KRT38: variants seen among roughly 807,000 people sequenced by gnomAD.
KRT38 encodes keratin 38.
KRT38 carries 45 observed loss-of-function variants against 43.1 expected under a neutral mutation model. The observed-to-expected ratio is 1.04, with a 90% CI of 0.82 to 1.34. KRT38 has a LOEUF of 1.34. Among genes scored for constraint, KRT38 ranks in the 40% most tolerant of loss-of-function variants. The pLI, the probability that KRT38 is intolerant of heterozygous loss-of-function variation, is 0.00. For missense variants in KRT38, 627 were observed against 586.2 expected (o/e 1.07, Z -0.72); for synonymous variants, 258 against 244.0 (o/e 1.06, Z -0.53).
rs776399205 is a variant in KRT38, at chr17:41,440,677, G to T, written c.245C>A (p.Thr82Asn). 1.2e-6 allele frequency: 2 copies of T among 1,614,198 alleles called. No individual in the cohort carries two copies. The highest frequency in any genetic ancestry group is 1.1e-5 in the South Asian group (1 of 91,082). Residue 82 changes from threonine to asparagine, a missense_variant, in exon 1 of 7, where the codon ACC (threonine) becomes AAC (asparagine). By Grantham distance (65) the Thr-to-Asn change is moderately conservative. Transcript: ENST00000246646. ...TCHTACPLPG[T>N]CHIPGNIGIC... ...TCCAATGTTGCCAGGAATGTGGCAGGTCCCTGGCAAGGGACAAGCAGTGTG... is the reference window on the plus strand; with the variant it reads ...TCCAATGTTGCCAGGAATGTGGCAGTTCCCTGGCAAGGGACAAGCAGTGTG...
chr17:41,437,978 G>T, intron 6 of KRT38, 115 bp downstream of exon 6: 1 of 1,000,626 alleles, frequency 1.0e-6, no homozygotes, highest in Non-Finnish European at 1.5e-6. Flanking sequence ...ACGACTCACT[G>T]AAAAGGAGTG....
rs1343390711 is a variant in KRT38 at position 41,438,886 on chromosome 17, C to G, written c.733-28G>C. The G allele has an allele frequency of 3.1e-6, 5 of 1,611,042 alleles. No individual in the cohort carries two copies. In the South Asian group the frequency reaches 4.4e-5, roughly 14 times the overall value. The stretch of plus-strand genomic sequence containing the variant: ...GCAGAAGGGAGGAAGGGACAGACAG[C>G]CTGCATGAGGAAAGGGCCTTTGATG... On this transcript the variant is annotated intron_variant, in intron 3 of 6. Transcript: ENST00000246646.
At position 41,438,492 on chromosome 17, in the gene KRT38, A is replaced by G. The variant is rs2018756280; in HGVS notation, c.1019T>C (p.Leu340Ser). Reference sequence around the variant, plus strand: ...GCAGTGAGAGTGAAGGACACGTACCAAGGTGTGCTGGGCTTGGCGCTCCAC... The same window carrying G: ...GCAGTGAGAGTGAAGGACACGTACCGAGGTGTGCTGGGCTTGGCGCTCCAC... The part of the protein sequence containing the change: ...LEVERQAQHT[L>S]KDCLQNSLCE... Residue 340 changes from leucine (L) to serine (S), a missense_variant and splice_region_variant, in exon 5 of 7, where the codon TTG becomes TCG. Coordinates refer to ENST00000246646, the MANE Select transcript of KRT38 (RefSeq NM_006771.4). 1 of 1,614,046 alleles carries G rather than the reference A, an allele frequency of 6.2e-7. No individual in the cohort carries two copies. Among genetic ancestry groups the G allele is most frequent in the African/African-American group, 1.3e-5 (1 of 74,924 alleles).
intron 2 of KRT38, among the ~76,000 whole-genome samples, chr17:41,439,715 G>A (rs1232623684): frequency 2.0e-5 from 3 of 152,194 alleles, no homozygotes; most frequent in Non-Finnish European, 4.4e-5. Flanking sequence ...GTGCCTGATC[G>A]TGATCTGCGG....
At position 41,440,113 on chromosome 17, in the gene KRT38, A is replaced by T. The variant is rs544122916; in HGVS notation, c.575+48T>A. 158 of 1,443,182 alleles carry T rather than the reference A, an allele frequency of 1.1e-4. 1 individual carries two copies. The South Asian group carries it at 1.6e-3, about 15-fold the overall frequency. The allele number at this position is 1,443,182 out of a possible 1,614,324, so 89.4% of individuals were successfully genotyped here. A position where few individuals can be genotyped will look rare whatever the true frequency, so the allele number is the denominator to read the frequency against. On this transcript the variant is annotated intron_variant, in intron 2 of 6. Transcript: ENST00000246646. Reference sequence around the variant, plus strand: ...ACTCAACAAGTATTTGGGCATTGGGATGGAGGGTGGGGAAGGAGTCACCCT... The same window carrying T: ...ACTCAACAAGTATTTGGGCATTGGGTTGGAGGGTGGGGAAGGAGTCACCCT...
rs1277430301 is a variant in KRT38 at position 41,439,003 on chromosome 17, C to A, written c.733-145G>T. On this transcript the variant is annotated intron_variant, in intron 3 of 6. Coordinates refer to ENST00000246646, the MANE Select transcript of KRT38 (RefSeq NM_006771.4). ...GGGAAAGTCTTGCCCAGAGGGCATT[C>A]GGGAGAGCCCACCTGCACACCTTCC... The A allele has an allele frequency of 1.7e-5, 21 of 1,246,558 alleles. No homozygotes were observed. In the East Asian group the frequency reaches 4.1e-4, roughly 25 times the overall value. The allele number at this position is 1,246,558 out of a possible 1,614,324, so 77.2% of individuals were successfully genotyped here. A position where few individuals can be genotyped will look rare whatever the true frequency, so the allele number is the denominator to read the frequency against.
intron 3 of KRT38, 61 bp downstream of exon 3, chr17:41,439,142 C>A (rs1218959301): frequency 5.1e-6 from 8 of 1,562,796 alleles, no homozygotes; most frequent in Non-Finnish European, 6.1e-6. Context: ...GAGCCCGGGG[C>A]TGGGGAGCTC....
rs772207997 is a variant in KRT38 at position 41,440,151 on chromosome 17, C to A, written c.575+10G>T. The A allele has an allele frequency of 6.2e-7, 1 of 1,612,272 alleles. No homozygotes were observed. The highest frequency in any genetic ancestry group is 2.2e-5 in the East Asian group (1 of 44,876). ...AAGGAGTCACCCTGGCCCTCCTCCG[C>A]CTGACTTACTTGATCCTAAAGTCAT... On this transcript the variant is annotated intron_variant, in intron 2 of 6. Coordinates refer to ENST00000246646, the MANE Select transcript of KRT38 (RefSeq NM_006771.4).
Position 41,440,570 on chromosome 17 carries a change from A to C in KRT38, c.352T>G (p.Tyr118Asp), listed in dbSNP as rs780088536. ...MQFLNDRLAN[Y>D]LEKVRQLEQE... ...TCCAGCTGGCGCACCTTCTCCAGGTAGTTGGCCAGGCGGTCATTCAGGAAC... is the reference window on the plus strand; with the variant it reads ...TCCAGCTGGCGCACCTTCTCCAGGTCGTTGGCCAGGCGGTCATTCAGGAAC... Residue 118 changes from tyrosine (Y) to aspartate (D), a missense_variant, in exon 1 of 7, where the codon TAC becomes GAC. Transcript: ENST00000246646. 8 of 1,614,220 alleles carry C rather than the reference A, an allele frequency of 5.0e-6. No individual in the cohort carries two copies. The highest frequency in any genetic ancestry group is 1.7e-5 in the Admixed American group (1 of 60,028).
chr17:41,440,922 G>T lies in KRT38; in HGVS notation c.-1C>A. 8 of 1,526,840 alleles carry T rather than the reference G, an allele frequency of 5.2e-6. No homozygotes were observed. The highest frequency in any genetic ancestry group is 6.1e-6 in the Non-Finnish European group (7 of 1,139,896). The allele number at this position is 1,526,840 out of a possible 1,614,324, so 94.6% of individuals were successfully genotyped here. On this transcript the variant is annotated 5_prime_UTR_variant, in exon 1 of 7. Transcript: ENST00000246646. ...AGGAGCTGCTGTAGGAAGAGGTCAT[G>T]GTGTTGGGCTGAGGCTGCACAGGAG... is the stretch of plus-strand genomic sequence containing the variant.
rs770562617 is a variant in KRT38, at chr17:41,438,275, G to C, written c.1059C>G (p.Asp353Glu). Residue 353 changes from aspartate to glutamate, a missense_variant, in exon 6 of 7, where the codon GAC (aspartate) becomes GAG (glutamate). Physicochemically the swap from Asp to Glu is conservative, Grantham distance 45. Coordinates refer to ENST00000246646, the MANE Select transcript of KRT38 (RefSeq NM_006771.4). ...CLQNSLCEAE[D>E]RFGTELAQMQ... ...TCTGGGCCAGCTCCGTGCCGAAGCG[G>C]TCCTCGGCTTCACACAGGGAGTTCT... 6.2e-7 allele frequency: 1 copy of C among 1,614,146 alleles called. No individual in the cohort carries two copies. Among genetic ancestry groups the C allele is most frequent in the African/African-American group, 1.3e-5 (1 of 75,018 alleles).
Position 41,439,235 on chromosome 17 carries a change from C to G in KRT38, c.700G>C (p.Glu234Gln). The change falls in exon 3 of 7, where the codon GAG (glutamate) becomes CAG (glutamine). Residue 234 changes from glutamate (E) to glutamine (Q), a missense_variant. Transcript: ENST00000246646. ...TGGTTGCTCTTGAGGGAGAGCTGCT[C>G]CTCCTTCAGGGACTCCTGCTGGGCC... ...LEAQQESLKEEQLSLKSNHEQ... is the reference protein window; with the variant it reads ...LEAQQESLKEQQLSLKSNHEQ... 6.2e-7 allele frequency: 1 copy of G among 1,614,124 alleles called. No individual in the cohort carries two copies. The highest frequency in any genetic ancestry group is 8.5e-7 in the Non-Finnish European group (1 of 1,179,986).
In KRT38 at chr17:41,438,132, A is replaced by G. The variant is rs750341391; in HGVS notation, c.1202T>C (p.Ile401Thr). 6.2e-7 allele frequency: 1 copy of G among 1,614,088 alleles called. No individual in the cohort carries two copies. The highest frequency in any genetic ancestry group is 8.5e-7 in the Non-Finnish European group (1 of 1,180,012). Residue 401 changes from isoleucine (I) to threonine (T), a missense_variant, in exon 6 of 7, where the codon ATT becomes ACT. Coordinates refer to ENST00000246646, the MANE Select transcript of KRT38 (RefSeq NM_006771.4). ...LDVKTRLENE[I>T]ATYRNLLESE... ...TTCCAGAAGGTTCCGGTACGTGGCA[A>G]TCTCATTCTCCAGCCGGGTCTTCAC...
In KRT38 at chr17:41,437,200, C is replaced by A. The variant is rs1275796354; in HGVS notation, c.*212G>T. On this transcript the variant is annotated 3_prime_UTR_variant, in exon 7 of 7. Coordinates refer to ENST00000246646, the MANE Select transcript of KRT38 (RefSeq NM_006771.4). Reference sequence around the variant, plus strand: ...TATTCTGAGCCACCATGGGTGGCTGCAATCCAGCCACTGAGGGCATAGAGC... The same window carrying A: ...TATTCTGAGCCACCATGGGTGGCTGAAATCCAGCCACTGAGGGCATAGAGC... 1.6e-5 allele frequency: 7 copies of A among 435,556 alleles called. No individual in the cohort carries two copies. The highest frequency in any genetic ancestry group is 2.7e-5 in the Non-Finnish European group (7 of 259,118). The allele number at this position is 435,556 out of a possible 1,614,324, so 27.0% of individuals were successfully genotyped here. A position where few individuals can be genotyped will look rare whatever the true frequency, so the allele number is the denominator to read the frequency against.
Position 41,440,204 on chromosome 17 carries a change from G to A in KRT38, c.532C>T (p.Gln178Ter). Residue 178 changes from glutamine (Q) to a stop codon, truncating the protein, a stop_gained, in exon 2 of 7, where the codon CAA becomes TAA. Transcript: ENST00000246646. LOFTEE classifies it high-confidence loss of function. ...GCAGCCAGCTTGGCATTGTCAATTT[G>A]TACAATCAGCCTGGCATTCTCGGCC... Reference protein sequence around the residue: ...SKAENARLIVQIDNAKLAADD... With the variant: ...SKAENARLIV 6.2e-7 allele frequency: 1 copy of A among 1,614,214 alleles called. No homozygotes were observed. The highest frequency in any genetic ancestry group is 1.1e-5 in the South Asian group (1 of 91,086).
rs767185631 is a variant in KRT38, at chr17:41,438,581, G to A, written c.930C>T (p.Ser310=). The part of the protein sequence containing the change: ...EGISLQDMSC[S]EELQCCQSEI... ...CCGACTGGCAGCACTGCAGCTCCTCGGAGCAGGACATGTCCTGCAGGCTGA... is the reference window on the plus strand; with the variant it reads ...CCGACTGGCAGCACTGCAGCTCCTCAGAGCAGGACATGTCCTGCAGGCTGA... The change falls in exon 5 of 7, where the codon TCC becomes TCT. Residue 310 remains serine, a synonymous_variant. Transcript: ENST00000246646. The A allele has an allele frequency of 1.7e-5, 27 of 1,613,930 alleles. No individual in the cohort carries two copies. The Admixed American group carries it at 2.8e-4, about 17-fold the overall frequency.
rs2018735328 is a variant in KRT38 at position 41,437,232 on chromosome 17, G to A, written c.*180C>T. ...GCCACTGAGGGCATAGAGCTCACCT[G>A]GGAAAACCAAGAGCAGGAAAGGAAG... On this transcript the variant is annotated 3_prime_UTR_variant, in exon 7 of 7. Coordinates refer to ENST00000246646, the MANE Select transcript of KRT38 (RefSeq NM_006771.4). 1.7e-6 allele frequency: 1 copy of A among 604,330 alleles called. No individual in the cohort carries two copies. Among genetic ancestry groups the A allele is most frequent in the Non-Finnish European group, 2.5e-6 (1 of 403,986 alleles). The allele number at this position is 604,330 out of a possible 1,614,324, so 37.4% of individuals were successfully genotyped here. A position where few individuals can be genotyped will look rare whatever the true frequency, so the allele number is the denominator to read the frequency against.
At chr17:41,437,649 A>G (rs2018741519) in intron 6 of KRT38, 108 bp from the exon 7 acceptor site, 16 of 1,142,942 alleles carry the variant, frequency 1.4e-5, no homozygotes, top group Non-Finnish European at 1.8e-5. Context: ...CAGAACATGG[A>G]CCCAGCTGGA....
rs1279203435 is a variant in KRT38, at chr17:41,438,706, G to A, written c.885C>T (p.Phe295=). ...TACCCCCCCCACTCACCTGGGCTTG[G>A]AACCACTGTTCCACATCCTGGCGGT... ...ETNRQDVEQW[F]QAQSEGISLQ... is the part of the protein sequence containing the mutation. Residue 295 remains phenylalanine (F), a synonymous_variant, in exon 4 of 7, where the codon TTC becomes TTT. Coordinates refer to ENST00000246646, the MANE Select transcript of KRT38 (RefSeq NM_006771.4). 1.2e-6 allele frequency: 2 copies of A among 1,613,692 alleles called. No individual in the cohort carries two copies. Among genetic ancestry groups the A allele is most frequent in the African/African-American group, 2.7e-5 (2 of 74,778 alleles).
Sources: allele counts gnomAD v4.1 joint callset (sites outside exome capture counted in the v4.1 genomes callset), GRCh38; gene constraint gnomAD v4.1.1; transcripts MANE v1.5; gene names NCBI Gene and HGNC (gene_info 2026-07-23, HGNC 2026-07-21).